The following SMC5 variants were observed in gnomAD, a reference collection of about 807,000 sequenced individuals.
SMC5 encodes structural maintenance of chromosomes 5.
In SMC5, 88 loss-of-function variants were observed where a neutral mutation model predicts 148.3. The ratio of observed to expected loss-of-function variants is 0.59; its 90% CI spans 0.50 to 0.71. The LOEUF is 0.71. SMC5 is among the 30% of genes least tolerant of loss of function. The pLI is 0.00. For missense variants in SMC5, 1,142 were observed against 1,298.9 expected (o/e 0.88, Z 1.86); for synonymous variants, 421 against 432.8 (o/e 0.97, Z 0.34).
chr9:70,308,397 A>G (rs1699280959), intron 11 of SMC5, among the ~76,000 whole-genome samples: 1 of 151,508 alleles, frequency 6.6e-6, no homozygotes, highest in African/African-American at 2.4e-5. Flanking sequence ...CGAGGTCAGG[A>G]GTTTGAGACC....
intron 9 of SMC5, among the ~76,000 whole-genome samples, chr9:70,299,142 C>G (rs1380822069): frequency 6.6e-6 from 1 of 151,840 alleles, no homozygotes; most frequent in African/African-American, 2.4e-5. Flanking sequence ...TCTAAATTCT[C>G]TCATTTATAC....
intron 17 of SMC5, among the ~76,000 whole-genome samples, chr9:70,341,516 G>A (rs1490072348): frequency 6.6e-6 from 1 of 152,144 alleles, no homozygotes; most frequent in African/African-American, 2.4e-5. Flanking sequence ...AAGCTATAGG[G>A]ACTGAGGAAT....
intron 11 of SMC5, among the ~76,000 whole-genome samples, chr9:70,306,231 A>T (rs905867285): frequency 1.3e-5 from 2 of 151,848 alleles, no homozygotes; most frequent in African/African-American, 4.8e-5. Context: ...TTAGGTTTAG[A>T]TTTTTTTTGT....
intron 1 of SMC5, among the ~76,000 whole-genome samples, chr9:70,264,035 T>G (rs535347307): frequency 4.3e-4 from 65 of 152,320 alleles, no homozygotes; most frequent in African/African-American, 1.4e-3. Context: ...TTGTAATTAT[T>G]AAAAAAGAAC....
intron 8 of SMC5, among the ~76,000 whole-genome samples, chr9:70,287,761 G>C (rs1467643683): frequency 6.6e-6 from 1 of 152,186 alleles, no homozygotes; most frequent in Non-Finnish European, 1.5e-5. Context: ...GGATGAGAAG[G>C]AGGATATGAA....
chr9:70,287,398 G>A (rs988994399), intron 8 of SMC5, among the ~76,000 whole-genome samples: 10 of 151,924 alleles, frequency 6.6e-5, no homozygotes, highest in South Asian at 2.1e-4. Flanking sequence ...CAAATTTTTC[G>A]TGCGTGGGTG....
intron 2 of SMC5, among the ~76,000 whole-genome samples, chr9:70,265,504 A>G (rs997280581): frequency 1.3e-5 from 2 of 152,190 alleles, no homozygotes; most frequent in Admixed American, 6.5e-5. Context: ...GATGGTAGAA[A>G]TATGTGCAGA....
At chr9:70,291,551 A>G (rs937415994) in intron 8 of SMC5, among the ~76,000 whole-genome samples, 2 of 152,154 alleles carry the variant, frequency 1.3e-5, no homozygotes, top group African/African-American at 2.4e-5. Flanking sequence ...CCAAAACCTC[A>G]TATGGTTTGG....
intron 5 of SMC5, 104 bp downstream of exon 5, chr9:70,278,729 T>A (rs1206057225): frequency 3.4e-6 from 4 of 1,191,256 alleles, no homozygotes; most frequent in African/African-American, 1.6e-5. Flanking sequence ...GAATTCGTAT[T>A]TGTGATTTTT....
chr9:70,298,355 T>C, intron 9 of SMC5, 134 bp downstream of exon 9: 1 of 915,800 alleles, frequency 1.1e-6, no homozygotes, highest in Non-Finnish European at 1.6e-6. Flanking sequence ...ACTCAGTTCT[T>C]CCAACTTCAT....
intron 6 of SMC5, 57 bp from the exon 7 acceptor site, chr9:70,282,365 G>T (rs2034772897): frequency 6.8e-7 from 1 of 1,471,462 alleles, no homozygotes. Context: ...TTGATTTTTA[G>T]TATATGTGTT....
chr9:70,280,716 A>T (rs774367095), intron 5 of SMC5, 43 bp from the exon 6 acceptor site: 1 of 1,560,820 alleles, frequency 6.4e-7, no homozygotes, highest in Non-Finnish European at 8.6e-7. Context: ...ACCTGTTGTC[A>T]TTTTTTCTGT....
chr9:70,295,241 G>A (rs1348964876), intron 8 of SMC5, among the ~76,000 whole-genome samples: 3 of 151,798 alleles, frequency 2.0e-5, no homozygotes, highest in Non-Finnish European at 2.9e-5. Context: ...CAAGGCGGGC[G>A]GATCACGAGG....
intron 11 of SMC5, chr9:70,310,919 C>G (rs1256938574): frequency 6.6e-6 from 1 of 152,292 alleles, no homozygotes; most frequent in Non-Finnish European, 1.5e-5. Flanking sequence ...TCTCTCACCT[C>G]TTTCAGCCAT....
At chr9:70,351,843 A>G (rs1277137879) in intron 24 of SMC5, among the ~76,000 whole-genome samples, 1 of 152,170 alleles carries the variant, frequency 6.6e-6, no homozygotes, top group Non-Finnish European at 1.5e-5. Flanking sequence ...TGGGAAGCCA[A>G]GGCGGGCAGA....
At chr9:70,331,160 T>C (rs1181126894) in intron 17 of SMC5, among the ~76,000 whole-genome samples, 1 of 152,152 alleles carries the variant, frequency 6.6e-6, no homozygotes. Context: ...CAAGTATCAG[T>C]TTTTAATTTT....
chr9:70,287,960 A>G (rs2034955231), intron 8 of SMC5, among the ~76,000 whole-genome samples: 1 of 152,080 alleles, frequency 6.6e-6, no homozygotes, highest in Non-Finnish European at 1.5e-5. Context: ...TCCATCTTCT[A>G]AGTATTTATT....
intron 5 of SMC5, 59 bp downstream of exon 5, chr9:70,278,684 A>T: frequency 6.6e-7 from 1 of 1,506,422 alleles, no homozygotes; most frequent in Non-Finnish European, 9.0e-7. Flanking sequence ...ATCTCAGAAC[A>T]TGGGAGAGAG....
chr9:70,349,879 A>G (rs1209454126), intron 22 of SMC5, among the ~76,000 whole-genome samples: 3 of 152,214 alleles, frequency 2.0e-5, no homozygotes, highest in African/African-American at 4.8e-5. Flanking sequence ...TTTAATCTGA[A>G]TAATTTCCTT....
Sources: gnomAD v4.1 joint callset for allele counts (sites outside exome capture counted in the v4.1 genomes callset) on GRCh38, gnomAD v4.1.1 for gene constraint, MANE v1.5 for transcripts, NCBI Gene and HGNC (gene_info 2026-07-23, HGNC 2026-07-21) for gene names.